MTUS1: variants seen among roughly 807,000 people sequenced by gnomAD.
The protein encoded by MTUS1 is microtubule associated scaffold protein 1.
In MTUS1, 109 loss-of-function variants were observed where a neutral mutation model predicts 120.8. That is an observed-to-expected ratio of 0.90 (90% confidence interval 0.77 to 1.06). The LOEUF is 1.06. MTUS1 is among the 50% of genes least tolerant of loss of function. MTUS1 has a pLI of 0.00. For synonymous variants in MTUS1, 737 were observed against 550.5 expected, an observed-to-expected ratio of 1.34 and a Z score of -4.74; for missense variants, 2,210 against 1,486.3, an observed-to-expected ratio of 1.49 and a Z score of -8.01.
At chr8:17,692,583 C>G (rs1032285745) in intron 6 of MTUS1, among the ~76,000 whole-genome samples, 5 of 152,278 alleles carry the variant, frequency 3.3e-5, no homozygotes, top group African/African-American at 1.2e-4. Context: ...AACGCATTCA[C>G]ATTCTGCCTG....
At chr8:17,687,030 T>C (rs1470465184) in intron 6 of MTUS1, among the ~76,000 whole-genome samples, 1 of 152,182 alleles carries the variant, frequency 6.6e-6, no homozygotes, top group Non-Finnish European at 1.5e-5. Context: ...TTGGGGAAAC[T>C]ACACAGGAAT....
intron 1 of MTUS1, among the ~76,000 whole-genome samples, chr8:17,769,900 ACACACAC>A (rs1371615942): frequency 3.9e-5 from 4 of 101,682 alleles, no homozygotes; most frequent in Non-Finnish European, 5.9e-5. Context: ...ACACACACAC[ACACACAC>A]ACACACACAC....
intron 4 of MTUS1, among the ~76,000 whole-genome samples, chr8:17,720,278 G>C (rs2045727798): frequency 1.3e-5 from 2 of 151,758 alleles, no homozygotes; most frequent in Admixed American, 1.3e-4. Flanking sequence ...CCGGGAGGCA[G>C]AGGTTGCAGT....
chr8:17,795,916 G>C (rs1437360764), intron 1 of MTUS1, among the ~76,000 whole-genome samples: 1 of 151,514 alleles, frequency 6.6e-6, no homozygotes, highest in African/African-American at 2.4e-5. Flanking sequence ...GATTACAGGT[G>C]TGAGCCACTG....
At chr8:17,762,215 G>A (rs374634913) in intron 1 of MTUS1, among the ~76,000 whole-genome samples, 6 of 152,106 alleles carry the variant, frequency 3.9e-5, no homozygotes, top group East Asian at 3.9e-4. Context: ...GGAGGCGGAG[G>A]TCGCAGTGAG....
chr8:17,737,128 C>A (rs1191682006), intron 3 of MTUS1, among the ~76,000 whole-genome samples: 1 of 152,182 alleles, frequency 6.6e-6, no homozygotes, highest in African/African-American at 2.4e-5. Flanking sequence ...AAGACTTCTG[C>A]ATGCACGTAA....
chr8:17,732,788 C>T (rs1281632134), intron 3 of MTUS1, among the ~76,000 whole-genome samples: 1 of 152,158 alleles, frequency 6.6e-6, no homozygotes, highest in East Asian at 1.9e-4. Flanking sequence ...GTGACTCCTC[C>T]CTTTGCTCTC....
intron 1 of MTUS1, among the ~76,000 whole-genome samples, chr8:17,795,716 T>C (rs138445615): frequency 0.02 from 3,063 of 152,282 alleles, 110 homozygotes; most frequent in African/African-American, 0.071. Context: ...CTCGGCTCAC[T>C]GCAACCTCCG....
intron 1 of MTUS1, among the ~76,000 whole-genome samples, chr8:17,791,726 G>C (rs564871180): frequency 1.3e-5 from 2 of 152,330 alleles, no homozygotes; most frequent in Admixed American, 6.5e-5. Context: ...AAGAGGGAAA[G>C]TTATCAGCCT....
intron 1 of MTUS1, among the ~76,000 whole-genome samples, chr8:17,793,771 T>C (rs913318565): frequency 2.0e-5 from 3 of 152,196 alleles, no homozygotes; most frequent in African/African-American, 7.2e-5. Context: ...GGATGCTTTA[T>C]ATAACCAAGA....
At chr8:17,717,403 G>A (rs1822550699) in intron 4 of MTUS1, among the ~76,000 whole-genome samples, 1 of 152,166 alleles carries the variant, frequency 6.6e-6, no homozygotes, top group African/African-American at 2.4e-5. Flanking sequence ...AATGGATATT[G>A]GGTTTCAATT....
chr8:17,765,681 C>CACACACACAA (rs1208187823), intron 1 of MTUS1, among the ~76,000 whole-genome samples: 1 of 86,720 alleles, frequency 1.2e-5, no homozygotes, highest in Non-Finnish European at 2.4e-5. Flanking sequence ...ACAGACACCA[C>CACACACACAA]ACACACACAC....
intron 8 of MTUS1, among the ~76,000 whole-genome samples, chr8:17,667,836 T>C (rs1040842730): frequency 2.0e-5 from 3 of 152,194 alleles, no homozygotes; most frequent in Admixed American, 2.0e-4. Flanking sequence ...ATAAATACAA[T>C]GCAGAGAAGT....
intron 4 of MTUS1, among the ~76,000 whole-genome samples, chr8:17,717,243 T>A (rs1822514386): frequency 6.6e-6 from 1 of 152,228 alleles, no homozygotes; most frequent in Non-Finnish European, 1.5e-5. Flanking sequence ...GAAAATTCTG[T>A]CAATTTCCTG....
intron 3 of MTUS1, chr8:17,734,289 G>A (rs1427496398): frequency 1.3e-5 from 2 of 152,206 alleles, no homozygotes; most frequent in East Asian, 1.9e-4. Flanking sequence ...GTTGCAAATA[G>A]TGATTTTACT....
chr8:17,712,330 T>C (rs1236359879), intron 6 of MTUS1, among the ~76,000 whole-genome samples: 1 of 151,890 alleles, frequency 6.6e-6, no homozygotes, highest in Non-Finnish European at 1.5e-5. Flanking sequence ...TCTAGAGAGA[T>C]CAATCCATCT....
At chr8:17,724,219 A>T (rs2046054204) in intron 3 of MTUS1, 3 of 409,206 alleles carry the variant, frequency 7.3e-6, no homozygotes, top group South Asian at 3.6e-5. Context: ...ACTAAAAAAA[A>T]AATAATCCAT....
At position 17,645,683 on chromosome 8, in the gene MTUS1, C is replaced by T. The variant is rs1805631324; in HGVS notation, c.*243G>A. ...CTTTAAGTGCTTTGTGCAACAACGT[C>T]CGTGTCGATGCCGAAATCTTTTTTT... On this transcript the variant is annotated 3_prime_UTR_variant, in exon 15 of 15. Coordinates refer to ENST00000693296, the MANE Select transcript of MTUS1 (RefSeq NM_001363059.2). The T allele has an allele frequency of 2.4e-5, 11 of 458,560 alleles. 1 individual carries two copies. In the South Asian group the frequency reaches 4.1e-4, roughly 17 times the overall value. 28.4% of individuals were successfully genotyped at this position (458,560 alleles called of 1,614,324 possible). A position where few individuals can be genotyped will look rare whatever the true frequency, so the allele number is the denominator to read the frequency against.
chr8:17,648,616 C>G (rs1806321265), intron 13 of MTUS1, among the ~76,000 whole-genome samples: 1 of 152,130 alleles, frequency 6.6e-6, no homozygotes, highest in African/African-American at 2.4e-5. Flanking sequence ...CAAAAATTTC[C>G]TGATAATTCA....
Sources: gnomAD v4.1 joint callset for allele counts (sites outside exome capture counted in the v4.1 genomes callset) on GRCh38, gnomAD v4.1.1 for gene constraint, MANE v1.5 for transcripts, NCBI Gene and HGNC (gene_info 2026-07-23, HGNC 2026-07-21) for gene names.